LPP: variants seen among roughly 807,000 people sequenced by gnomAD.
The protein encoded by LPP is LIM domain containing preferred translocation partner in lipoma, also known as lipoma-preferred partner.
Under a neutral mutation model 60.4 loss-of-function variants are expected in LPP, and 38 were observed. The ratio of observed to expected loss-of-function variants is 0.63; its 90% CI spans 0.49 to 0.83. The LOEUF (loss-of-function observed/expected upper bound fraction) is 0.83, where lower values mean the gene tolerates loss of function less well. Among genes scored for constraint, LPP ranks in the 40% least tolerant of loss-of-function variants. The probability of loss-of-function intolerance (pLI) is 0.00; values close to 1 mark genes in which losing one functional copy is unlikely to be tolerated. For missense variants in LPP, 902 were observed against 783.6 expected, an observed-to-expected ratio of 1.15 and a Z score of -1.80; for synonymous variants, 328 against 290.8, an observed-to-expected ratio of 1.13 and a Z score of -1.30.
At chr3:188,824,819 C>T (rs1007709312) in intron 9 of LPP, among the ~76,000 whole-genome samples, 1 of 152,046 alleles carries the variant, frequency 6.6e-6, no homozygotes, top group Non-Finnish European at 1.5e-5. Context: ...ATCTGAGTTC[C>T]GAAGTGAAAT....
chr3:188,689,974 T>C (rs1861742353), intron 7 of LPP, among the ~76,000 whole-genome samples: 1 of 152,092 alleles, frequency 6.6e-6, no homozygotes, highest in African/African-American at 2.4e-5. Flanking sequence ...GATTTTTAAG[T>C]TGAATATCCT....
intron 9 of LPP, among the ~76,000 whole-genome samples, chr3:188,834,233 T>C (rs1757778561): frequency 1.3e-5 from 2 of 151,994 alleles, no homozygotes; most frequent in South Asian, 4.1e-4. Context: ...CGGGAACATA[T>C]AGAAATGTGC....
intron 7 of LPP, among the ~76,000 whole-genome samples, chr3:188,672,883 C>T (rs766618793): frequency 1.8e-4 from 27 of 152,050 alleles, no homozygotes; most frequent in Admixed American, 3.9e-4. Flanking sequence ...ATATAATATA[C>T]GAATCACTTT....
Position 188,617,127 on chromosome 3 carries a change from T to C in LPP, c.1113+7283T>C, listed in dbSNP as rs570128761. Among the ~76,000 whole-genome samples, 40 of 152,260 alleles carry C rather than the reference T, an allele frequency of 2.6e-4. No homozygotes were observed. The South Asian group carries it at 8.1e-3, about 31-fold the overall frequency. The stretch of plus-strand genomic sequence containing the variant: ...AAAAAGAAACAGCGTGATACAACTT[T>C]AAAGGAAATAAGTTGGAAAAAATAA... On this transcript the variant is annotated intron_variant, in intron 7 of 11. Transcript: ENST00000617246.
intron 6 of LPP, among the ~76,000 whole-genome samples, chr3:188,596,166 G>GA (rs202224078): frequency 1.3e-5 from 2 of 152,288 alleles, no homozygotes; most frequent in South Asian, 2.1e-4. Flanking sequence ...TGCTGTGGTT[G>GA]AAAAAAATTT....
At chr3:188,464,645 C>A (rs1484462929) in intron 4 of LPP, among the ~76,000 whole-genome samples, 1 of 152,096 alleles carries the variant, frequency 6.6e-6, no homozygotes, top group Non-Finnish European at 1.5e-5. Context: ...ATTTCATGGA[C>A]ACTAATCAAC....
At chr3:188,585,311 C>G (rs1837196159) in intron 6 of LPP, among the ~76,000 whole-genome samples, 1 of 152,122 alleles carries the variant, frequency 6.6e-6, no homozygotes, top group Non-Finnish European at 1.5e-5. Context: ...ACCCTCTCCC[C>G]TTTGTATTTT....
At chr3:188,819,193 A>G (rs930625512) in intron 9 of LPP, among the ~76,000 whole-genome samples, 2 of 151,992 alleles carry the variant, frequency 1.3e-5, no homozygotes, top group Non-Finnish European at 2.9e-5. Context: ...GTACATATGC[A>G]GGTTCGTTAC....
chr3:188,823,639 G>A (rs1201203906), intron 9 of LPP, among the ~76,000 whole-genome samples: 2 of 152,074 alleles, frequency 1.3e-5, no homozygotes, highest in African/African-American at 4.8e-5. Context: ...CTTTAGTATA[G>A]ACAGACAAAG....
At chr3:188,773,411 T>C (rs768140282) in intron 9 of LPP, among the ~76,000 whole-genome samples, 1 of 151,686 alleles carries the variant, frequency 6.6e-6, no homozygotes, top group Non-Finnish European at 1.5e-5. Flanking sequence ...ATTTATAGTA[T>C]GGGGAAATAA....
chr3:188,512,686 CT>C (rs1411373504), intron 5 of LPP, among the ~76,000 whole-genome samples: 2 of 151,966 alleles, frequency 1.3e-5, no homozygotes, highest in Non-Finnish European at 2.9e-5. Flanking sequence ...GAATTGAATA[CT>C]TTTTTATGGT....
At chr3:188,743,468 G>A (rs1372129797) in intron 8 of LPP, among the ~76,000 whole-genome samples, 5 of 152,050 alleles carry the variant, frequency 3.3e-5, no homozygotes, top group Non-Finnish European at 7.4e-5. Flanking sequence ...TCAAGAGTAA[G>A]AGAGTAGCCA....
In LPP at chr3:188,352,400, G is replaced by C. The variant is rs1766126463; in HGVS notation, c.-10+10681G>C. ...GCTCTGTTTAGATCAGCTATTTTCT[G>C]AAGGAGTCGCTGACCTTCCCCACAA... On this transcript the variant is annotated intron_variant, in intron 3 of 11. Transcript: ENST00000617246. The surrounding 1 kb of genome is among the most constrained non-coding windows in gnomAD (Gnocchi z 4.4). Among the ~76,000 whole-genome samples the C allele has an allele frequency of 6.6e-6, 1 of 152,174 alleles. No individual in the cohort carries two copies. The highest frequency in any genetic ancestry group is 2.1e-4 in the South Asian group (1 of 4,832).
intron 5 of LPP, among the ~76,000 whole-genome samples, chr3:188,498,130 T>G (rs1810771511): frequency 6.6e-6 from 1 of 152,194 alleles, no homozygotes; most frequent in South Asian, 2.1e-4. Context: ...GCACAACTCT[T>G]GATGACTTGA....
intron 9 of LPP, among the ~76,000 whole-genome samples, chr3:188,775,156 G>A (rs544084426): frequency 5.4e-4 from 81 of 150,842 alleles, no homozygotes; most frequent in African/African-American, 1.8e-3. Context: ...AGATTCAAGC[G>A]ATTCTCCTGC....
intron 1 of LPP, among the ~76,000 whole-genome samples, chr3:188,186,702 C>T (rs558405754): frequency 6.6e-6 from 1 of 152,084 alleles, no homozygotes; most frequent in East Asian, 1.9e-4. Context: ...CTTCCCAAAC[C>T]GGTTCCATTA....
intron 3 of LPP, among the ~76,000 whole-genome samples, chr3:188,367,356 A>T (rs1482340644): frequency 6.6e-6 from 1 of 152,168 alleles, no homozygotes; most frequent in Non-Finnish European, 1.5e-5. Flanking sequence ...TTCCAAGAAA[A>T]TCTCAAGAAG....
At chr3:188,574,709 CTG>C (rs139022395) in intron 6 of LPP, among the ~76,000 whole-genome samples, 18 of 150,894 alleles carry the variant, frequency 1.2e-4, no homozygotes, top group Middle Eastern at 3.4e-3. Context: ...GCGTAATTTC[CTG>C]TGTGTGTGTG....
intron 7 of LPP, among the ~76,000 whole-genome samples, chr3:188,658,457 C>T (rs1332068664): frequency 6.6e-6 from 1 of 152,060 alleles, no homozygotes; most frequent in African/African-American, 2.4e-5. Flanking sequence ...GCTTAACAAA[C>T]TAATAGGACT....
Sources: allele counts gnomAD v4.1 joint callset (sites outside exome capture counted in the v4.1 genomes callset), GRCh38; gene constraint gnomAD v4.1.1; non-coding constraint Gnocchi (gnomAD v3.1); transcripts MANE v1.5; gene names NCBI Gene and HGNC (gene_info 2026-07-23, HGNC 2026-07-21).